CCDC50: variants seen among roughly 807,000 people sequenced by gnomAD.
CCDC50 encodes coiled-coil domain containing 50, also known as coiled-coil domain-containing protein 50.
CCDC50 carries 54 observed loss-of-function variants against 70.2 expected under a neutral mutation model. The ratio of observed to expected loss-of-function variants is 0.77; its 90% CI spans 0.62 to 0.96. The LOEUF (loss-of-function observed/expected upper bound fraction) is 0.96, where lower values mean the gene tolerates loss of function less well. Ranked by LOEUF, CCDC50 falls within the 50% of genes least tolerant of loss-of-function variation. The pLI is 0.00. For missense variants in CCDC50, 558 were observed against 578.7 expected, an observed-to-expected ratio of 0.96 and a Z score of 0.37; for synonymous variants, 216 against 198.8, an observed-to-expected ratio of 1.09 and a Z score of -0.73.
Position 191,392,034 on chromosome 3 carries a change from G to A in CCDC50, c.*274G>A. 1 of 400,458 alleles carries A rather than the reference G, an allele frequency of 2.5e-6. No individual in the cohort carries two copies. The highest frequency in any genetic ancestry group is 4.1e-5 in the Admixed American group (1 of 24,610). 24.8% of individuals were successfully genotyped at this position (400,458 alleles called of 1,614,324 possible). A position where few individuals can be genotyped will look rare whatever the true frequency, so the allele number is the denominator to read the frequency against. Reference sequence around the variant, plus strand: ...ATAGTATCTAAGACCTTTGTAAACTGCCATTTTGTTAGGTATGGAGTTTGG... The same window carrying A: ...ATAGTATCTAAGACCTTTGTAAACTACCATTTTGTTAGGTATGGAGTTTGG... On this transcript the variant is annotated 3_prime_UTR_variant, in exon 12 of 12. Transcript: ENST00000392455.
At chr3:191,356,592 A>AT (rs1329876609) in intron 1 of CCDC50, among the ~76,000 whole-genome samples, 7 of 152,158 alleles carry the variant, frequency 4.6e-5, no homozygotes, top group Non-Finnish European at 1.0e-4. Context: ...GTGAAAATAT[A>AT]TTTTTTCTTG....
Position 191,369,649 on chromosome 3 carries a change from A to C in CCDC50, c.331-270A>C, listed in dbSNP as rs7618689. Among the ~76,000 whole-genome samples, 2,049 of 152,276 alleles carry C rather than the reference A, an allele frequency of 0.013. 50 individuals carry two copies. Among genetic ancestry groups the C allele is most frequent in the African/African-American group, 0.046 (1,924 of 41,554 alleles). On this transcript the variant is annotated intron_variant, in intron 4 of 11. Transcript: ENST00000392455. Reference sequence around the variant, plus strand: ...CATATTTTTAAAATTCTGTTGTGTAACCTGCTTTAGGAAGTACTGAGTTTT... The same window carrying C: ...CATATTTTTAAAATTCTGTTGTGTACCCTGCTTTAGGAAGTACTGAGTTTT...
chr3:191,336,667 T>C (rs946518244), intron 1 of CCDC50, among the ~76,000 whole-genome samples: 15 of 152,188 alleles, frequency 9.9e-5, no homozygotes, highest in African/African-American at 2.9e-4. Context: ...CTACTTGATA[T>C]TAGCTAAATC....
At chr3:191,351,889 G>A (rs1401458511) in intron 1 of CCDC50, among the ~76,000 whole-genome samples, 2 of 141,076 alleles carry the variant, frequency 1.4e-5, no homozygotes, top group Admixed American at 7.3e-5. Flanking sequence ...TGGCCTGTGG[G>A]TTTTCATCTT....
At position 191,329,800 on chromosome 3, in the gene CCDC50, C is replaced by T. The variant is rs1299307620; in HGVS notation, c.49+77C>T. Reference sequence around the variant, plus strand: ...GGTTCTCTCAGGTCAGGGGCGTTGCCATTTCGGCTCCCGCGGCCCTCGCCC... The same window carrying T: ...GGTTCTCTCAGGTCAGGGGCGTTGCTATTTCGGCTCCCGCGGCCCTCGCCC... On this transcript the variant is annotated intron_variant, in intron 1 of 11. Transcript: ENST00000392455. 4.0e-6 allele frequency: 6 copies of T among 1,488,292 alleles called. No individual in the cohort carries two copies. In the South Asian group the frequency reaches 4.9e-5, roughly 12 times the overall value. The allele number at this position is 1,488,292 out of a possible 1,614,324, so 92.2% of individuals were successfully genotyped here.
At chr3:191,343,313 G>C (rs1001336679) in intron 1 of CCDC50, among the ~76,000 whole-genome samples, 2 of 152,180 alleles carry the variant, frequency 1.3e-5, no homozygotes, top group Admixed American at 1.3e-4. Flanking sequence ...GATGGAGCTA[G>C]GGTTGGAATC....
At chr3:191,348,315 C>G (rs1310582338) in intron 1 of CCDC50, among the ~76,000 whole-genome samples, 1 of 141,918 alleles carries the variant, frequency 7.0e-6, no homozygotes, top group African/African-American at 2.5e-5. Context: ...CTCTCCCATT[C>G]TCTGTGTTTC....
At chr3:191,371,029 C>G (rs1712895872) in intron 5 of CCDC50, among the ~76,000 whole-genome samples, 1 of 152,112 alleles carries the variant, frequency 6.6e-6, no homozygotes, top group South Asian at 2.1e-4. Context: ...GAAGGTATAC[C>G]ATGCATCAGT....
chr3:191,379,415 A>C (rs753614448), intron 6 of CCDC50, among the ~76,000 whole-genome samples: 5 of 152,124 alleles, frequency 3.3e-5, no homozygotes, highest in Admixed American at 6.6e-5. Flanking sequence ...CTGTATTCAA[A>C]ATTTTTATTA....
chr3:191,348,722 A>G (rs910077591), intron 1 of CCDC50, among the ~76,000 whole-genome samples: 1 of 142,102 alleles, frequency 7.0e-6, no homozygotes, highest in African/African-American at 2.5e-5. Flanking sequence ...AAGATGGAAC[A>G]CCTATGTAGA....
At chr3:191,356,702 T>A (rs1712294896) in intron 1 of CCDC50, among the ~76,000 whole-genome samples, 1 of 152,212 alleles carries the variant, frequency 6.6e-6, no homozygotes, top group African/African-American at 2.4e-5. Flanking sequence ...ATGCAGTAAC[T>A]CAGTTCTCTC....
intron 4 of CCDC50, 72 bp downstream of exon 4, chr3:191,361,231 A>T: frequency 9.4e-7 from 1 of 1,064,934 alleles, no homozygotes; most frequent in Non-Finnish European, 1.5e-6. Flanking sequence ...AACTTTCTGT[A>T]GGTCACGGGC....
chr3:191,377,974 T>G (rs1211329338), intron 6 of CCDC50, among the ~76,000 whole-genome samples: 1 of 152,096 alleles, frequency 6.6e-6, no homozygotes, highest in Non-Finnish European at 1.5e-5. Context: ...TTTAAAAAAT[T>G]TTTGGACATC....
intron 10 of CCDC50, among the ~76,000 whole-genome samples, chr3:191,387,239 G>A (rs1054229403): frequency 1.3e-5 from 2 of 152,124 alleles, no homozygotes; most frequent in Non-Finnish European, 2.9e-5. Flanking sequence ...TAAGAACATA[G>A]GGAGACATCC....
intron 5 of CCDC50, among the ~76,000 whole-genome samples, chr3:191,370,952 T>C (rs972985564): frequency 3.3e-5 from 5 of 152,172 alleles, no homozygotes; most frequent in Non-Finnish European, 5.9e-5. Flanking sequence ...TCGATGAGTC[T>C]CTGGACTTAA....
chr3:191,334,417 A>G (rs1303404569), intron 1 of CCDC50, among the ~76,000 whole-genome samples: 1 of 152,170 alleles, frequency 6.6e-6, no homozygotes, highest in Non-Finnish European at 1.5e-5. Flanking sequence ...TACTTAACGG[A>G]CGACTCACAC....
chr3:191,361,828 G>A (rs1448747156), intron 4 of CCDC50, among the ~76,000 whole-genome samples: 1 of 151,812 alleles, frequency 6.6e-6, no homozygotes, highest in Non-Finnish European at 1.5e-5. Context: ...CTGTCCCTGG[G>A]TTGTTCTTGC....
chr3:191,354,599 T>C (rs1440504409), intron 1 of CCDC50, among the ~76,000 whole-genome samples: 1 of 152,192 alleles, frequency 6.6e-6, no homozygotes, highest in African/African-American at 2.4e-5. Flanking sequence ...TTAAGCTTTT[T>C]GTAATCTATA....
chr3:191,385,085 C>G (rs1713442853), intron 10 of CCDC50, among the ~76,000 whole-genome samples: 1 of 152,026 alleles, frequency 6.6e-6, no homozygotes, highest in Non-Finnish European at 1.5e-5. Flanking sequence ...TTGGTTGATT[C>G]CATGTCTTTG....
Sources: allele counts gnomAD v4.1 joint callset (sites outside exome capture counted in the v4.1 genomes callset), GRCh38; gene constraint gnomAD v4.1.1; transcripts MANE v1.5; gene names NCBI Gene and HGNC (gene_info 2026-07-23, HGNC 2026-07-21).